FCGRT: variants seen among roughly 807,000 people sequenced by gnomAD.
FCGRT encodes IgG receptor FcRn large subunit p51.
A neutral mutation model predicts 35.7 loss-of-function variants in FCGRT; 13 were observed. That is an observed-to-expected ratio of 0.36 (90% CI 0.24 to 0.58). The LOEUF is 0.58. Ranked by LOEUF, FCGRT falls within the 20% of genes least tolerant of loss-of-function variation. The pLI is 0.77. For missense variants in FCGRT, 455 were observed against 474.9 expected (o/e 0.96, Z 0.39); for synonymous variants, 233 against 216.5 (o/e 1.08, Z -0.67).
chr19:49,519,598 C>T, intron 4 of FCGRT, among the ~76,000 whole-genome samples: 1 of 152,222 alleles, frequency 6.6e-6, no homozygotes, highest in Middle Eastern at 3.4e-3. Flanking sequence ...TCCTCCTTCT[C>T]TTCTTTAAAG....
At chr19:49,514,526 T>C (rs2079995258) in intron 4 of FCGRT, 40 bp downstream of exon 4, 1 of 1,502,702 alleles carries the variant, frequency 6.7e-7, no homozygotes, top group East Asian at 2.3e-5. Context: ...CTGTCCTCTC[T>C]CCCGTCATGC....
chr19:49,521,134 A>G (rs10469298), intron 4 of FCGRT: 46,514 of 152,138 alleles, frequency 0.31, 9,521 homozygotes, highest in African/African-American at 0.59. Context: ...TCATAGCGCC[A>G]TGTAGCCTTG....
chr19:49,525,345 C>A (rs1205000583), intron 5 of FCGRT, 112 bp from the exon 6 acceptor site: 10 of 833,566 alleles, frequency 1.2e-5, no homozygotes, highest in Non-Finnish European at 1.9e-5. Context: ...CCATCAGACA[C>A]TTGGTGCTGG....
chr19:49,514,194 G>A lies in FCGRT; in HGVS notation c.326-17G>A, dbSNP rs1568698765. 1 of 1,609,262 alleles carries A rather than the reference G, an allele frequency of 6.2e-7. No individual in the cohort carries two copies. The highest frequency in any genetic ancestry group is 2.2e-5 in the East Asian group (1 of 44,730). ...CCATGCTCCGGGGCCCCGCTTACCT[G>A]TGTTTGGGCGCCCCAGGTCCCTACA... On this transcript the variant is annotated splice_polypyrimidine_tract_variant and intron_variant, in intron 3 of 6. Transcript: ENST00000221466.
chr19:49,522,570 T>C (rs2080047625), intron 4 of FCGRT, among the ~76,000 whole-genome samples: 1 of 151,618 alleles, frequency 6.6e-6, no homozygotes, highest in Non-Finnish European at 1.5e-5. Flanking sequence ...TAGCTGGGAT[T>C]ACAGGTACAC....
At chr19:49,525,049 CCTGCTG>C (rs10525267) in intron 5 of FCGRT, 183,439 of 593,774 alleles carry the variant, frequency 0.31, 37,274 homozygotes, top group African/African-American at 0.8. Flanking sequence ...CATCTTCCAT[CCTGCTG>C]CTGCTGCTGC....
At chr19:49,523,632 G>C (rs975421771) in intron 4 of FCGRT, among the ~76,000 whole-genome samples, 1 of 151,460 alleles carries the variant, frequency 6.6e-6, no homozygotes, top group Admixed American at 6.6e-5. Flanking sequence ...AGGCCCAGGC[G>C]GATGGATCAT....
Position 49,513,490 on chromosome 19 carries a change from G to T in FCGRT, c.73+17G>T. ...TGGGCGCAGGTGAGGGCCGCTCCGG[G>T]CCAGGGCCCTGCTGCAGGCGGGCGG... is the stretch of plus-strand genomic sequence containing the variant. On this transcript the variant is annotated intron_variant, in intron 2 of 6. Transcript: ENST00000221466. 8.1e-7 allele frequency: 1 copy of T among 1,242,210 alleles called. No homozygotes were observed. Among genetic ancestry groups the T allele is most frequent in the Non-Finnish European group, 1.0e-6 (1 of 987,612 alleles). The allele number at this position is 1,242,210 out of a possible 1,614,324, so 76.9% of individuals were successfully genotyped here.
chr19:49,516,868 G>C (rs909100781), intron 4 of FCGRT, among the ~76,000 whole-genome samples: 4 of 151,068 alleles, frequency 2.6e-5, no homozygotes, highest in African/African-American at 9.7e-5. Flanking sequence ...AGGAGGGAAA[G>C]TTTCAAACCA....
intron 1 of FCGRT, chr19:49,513,106 G>A (rs2079982834): frequency 8.4e-6 from 2 of 238,860 alleles, no homozygotes; most frequent in Non-Finnish European, 1.6e-5. Context: ...CTGGACTCCG[G>A]GGTCTGAGGG....
intron 4 of FCGRT, among the ~76,000 whole-genome samples, chr19:49,517,877 G>C (rs2080017631): frequency 6.6e-6 from 1 of 152,110 alleles, no homozygotes. Context: ...ATTTTTAGTA[G>C]AGATGAGGTT....
At position 49,526,037 on chromosome 19, in the gene FCGRT, A is replaced by C. The variant is rs1393639273; in HGVS notation, c.1016A>C (p.Asp339Ala). ...PAPWISLRGD[D>A]TGVLLPTPGE... ...CCTTGGATCTCCCTTCGTGGAGACGACACCGGGGTCCTCCTGCCCACCCCA... is the reference window on the plus strand; with the variant it reads ...CCTTGGATCTCCCTTCGTGGAGACGCCACCGGGGTCCTCCTGCCCACCCCA... The change falls in exon 7 of 7, where the codon GAC (aspartate) becomes GCC (alanine). Residue 339 changes from aspartate to alanine, a missense_variant. Around this residue, in one of 3 missense-constraint regions of FCGRT, gnomAD observed 312 missense variants for 296.1 expected, o/e 1.05. Coordinates refer to ENST00000221466, the MANE Select transcript of FCGRT (RefSeq NM_001136019.3). 3 of 1,613,080 alleles carry C rather than the reference A, an allele frequency of 1.9e-6. No homozygotes were observed. Among genetic ancestry groups the C allele is most frequent in the Non-Finnish European group, 2.5e-6 (3 of 1,179,252 alleles).
Position 49,513,907 on chromosome 19 carries a change from C to T in FCGRT, c.99C>T (p.His33=), listed in dbSNP as rs2079990023. Residue 33 remains histidine, a synonymous_variant, in exon 3 of 7, where the codon CAC becomes CAT. Coordinates refer to ENST00000221466, the MANE Select transcript of FCGRT (RefSeq NM_001136019.3). ...AAAGCCACCTCTCCCTCCTGTACCACCTTACCGCGGTGTCCTCGCCTGCCC... is the reference window on the plus strand; with the variant it reads ...AAAGCCACCTCTCCCTCCTGTACCATCTTACCGCGGTGTCCTCGCCTGCCC... ...GAESHLSLLY[H]LTAVSSPAPG... is the part of the protein sequence containing the mutation. 1 of 1,610,928 alleles carries T rather than the reference C, an allele frequency of 6.2e-7. No individual in the cohort carries two copies. The highest frequency in any genetic ancestry group is 1.3e-5 in the African/African-American group (1 of 74,962).
chr19:49,514,163 C>T (rs779280440), intron 3 of FCGRT, 30 bp downstream of exon 3: 12 of 1,611,484 alleles, frequency 7.4e-6, no homozygotes, highest in Non-Finnish European at 3.4e-6. Context: ...GGGCAAGGGG[C>T]CGGGTCCATG....
chr19:49,522,938 C>T (rs558100298), intron 4 of FCGRT, among the ~76,000 whole-genome samples: 5 of 151,524 alleles, frequency 3.3e-5, no homozygotes, highest in African/African-American at 7.3e-5. Flanking sequence ...CCACCACGCC[C>T]GGCTAATTTT....
intron 4 of FCGRT, among the ~76,000 whole-genome samples, chr19:49,516,477 T>G (rs752503168): frequency 3.8e-4 from 57 of 151,648 alleles, no homozygotes; most frequent in South Asian, 1.3e-3. Context: ...GGTCTCGATC[T>G]TTTGACCTCG....
chr19:49,526,035 C>A lies in FCGRT; in HGVS notation c.1014C>A (p.Asp338Glu). 1 of 1,612,448 alleles carries A rather than the reference C, an allele frequency of 6.2e-7. No homozygotes were observed. The highest frequency in any genetic ancestry group is 8.5e-7 in the Non-Finnish European group (1 of 1,178,686). The change falls in exon 7 of 7, where the codon GAC (aspartate) becomes GAA (glutamate). Residue 338 changes from aspartate to glutamate, a missense_variant. By Grantham distance (45) the Asp-to-Glu change is conservative. This residue lies in a region of FCGRT where 312 missense variants were observed against 296.1 expected (regional missense o/e 1.05). Transcript: ENST00000221466. ...CCCCTTGGATCTCCCTTCGTGGAGACGACACCGGGGTCCTCCTGCCCACCC... is the reference window on the plus strand; with the variant it reads ...CCCCTTGGATCTCCCTTCGTGGAGAAGACACCGGGGTCCTCCTGCCCACCC... The part of the protein sequence containing the change: ...LPAPWISLRG[D>E]DTGVLLPTPG...
chr19:49,522,086 T>C (rs2080044330), intron 4 of FCGRT, among the ~76,000 whole-genome samples: 1 of 151,878 alleles, frequency 6.6e-6, no homozygotes, highest in Admixed American at 6.6e-5. Context: ...TTTTTTTTTT[T>C]TTTAGACGGA....
intron 4 of FCGRT, among the ~76,000 whole-genome samples, chr19:49,519,979 T>G (rs1448317911): frequency 6.8e-6 from 1 of 146,128 alleles, no homozygotes; most frequent in Non-Finnish European, 1.5e-5. Context: ...TACAGGTGCG[T>G]GCCACCATGC....
Sources: gnomAD v4.1 joint callset for allele counts (sites outside exome capture counted in the v4.1 genomes callset) on GRCh38, gnomAD v4.1.1 for gene constraint, gnomAD v4.1.1 regional missense constraint, MANE v1.5 for transcripts, NCBI Gene and HGNC (gene_info 2026-07-23, HGNC 2026-07-21) for gene names.